Variants in ADAMTS8 observed in about 807,000 individuals in gnomAD.
The protein encoded by ADAMTS8 is A disintegrin and metalloproteinase with thrombospondin motifs 8.
ADAMTS8 carries 50 observed loss-of-function variants against 64.4 expected under a neutral mutation model. That is an observed-to-expected ratio of 0.78 (90% CI 0.62 to 0.98). The LOEUF (loss-of-function observed/expected upper bound fraction) is 0.98, where lower values mean the gene tolerates loss of function less well. Ranked by LOEUF, ADAMTS8 falls within the 50% of genes least tolerant of loss-of-function variation. ADAMTS8 has a pLI of 0.00. For missense variants in ADAMTS8, 1,192 were observed against 1,208.2 expected (o/e 0.99, Z 0.20); for synonymous variants, 556 against 533.6 (o/e 1.04, Z -0.58).
chr11:130,416,377 GC>G lies in ADAMTS8; in HGVS notation c.1097-48del. On this transcript the variant is annotated intron_variant, in intron 3 of 8. Transcript: ENST00000257359. The surrounding 1 kb of genome is among the most constrained non-coding windows in gnomAD (Gnocchi z 4.8). ...ACTCCGCCCTGTCCTGCCTGAGGGCGCCCCACCTGGCCCAGCTAGGGACAGA... is the reference window on the plus strand; with the variant it reads ...ACTCCGCCCTGTCCTGCCTGAGGGCGCCCACCTGGCCCAGCTAGGGACAGA... The G allele has an allele frequency of 2.0e-6, 3 of 1,492,780 alleles. No homozygotes were observed. Among genetic ancestry groups the G allele is most frequent in the Non-Finnish European group, 2.7e-6 (3 of 1,116,160 alleles). The allele number at this position is 1,492,780 out of a possible 1,614,324, so 92.5% of individuals were successfully genotyped here.
rs1861860900 is a variant in ADAMTS8 at position 130,405,224 on chromosome 11, T to C, written c.*334A>G. 1 of 1,079,124 alleles carries C rather than the reference T, an allele frequency of 9.3e-7. No individual in the cohort carries two copies. The highest frequency in any genetic ancestry group is 1.1e-6 in the Non-Finnish European group (1 of 891,118). 66.8% of individuals were successfully genotyped at this position (1,079,124 alleles called of 1,614,324 possible). On this transcript the variant is annotated 3_prime_UTR_variant, in exon 9 of 9. Coordinates refer to ENST00000257359, the MANE Select transcript of ADAMTS8 (RefSeq NM_007037.6). ...GGGAAACCAGATAGAATTTTTTTTT[T>C]CATTTAAGTTTGCTAGTCCTTTGCA...
chr11:130,410,398 C>T (rs1565374233), intron 6 of ADAMTS8, among the ~76,000 whole-genome samples: 1 of 152,212 alleles, frequency 6.6e-6, no homozygotes, highest in African/African-American at 2.4e-5. Flanking sequence ...ATCATGGCAT[C>T]ACTTTTCGTC....
intron 1 of ADAMTS8, among the ~76,000 whole-genome samples, chr11:130,422,504 G>A (rs540993613): frequency 3.3e-5 from 5 of 152,286 alleles, no homozygotes; most frequent in Non-Finnish European, 4.4e-5. Context: ...GCGCGCCTGG[G>A]GGGAGGTCAG....
At chr11:130,415,088 C>T (rs1004071293) in intron 4 of ADAMTS8, among the ~76,000 whole-genome samples, 2 of 152,214 alleles carry the variant, frequency 1.3e-5, no homozygotes, top group Non-Finnish European at 2.9e-5. Flanking sequence ...TCTGTGTACC[C>T]AGTGAATGCC....
At chr11:130,420,911 C>T (rs762809612) in intron 1 of ADAMTS8, among the ~76,000 whole-genome samples, 1 of 152,102 alleles carries the variant, frequency 6.6e-6, no homozygotes, top group Non-Finnish European at 1.5e-5. Context: ...AACTCCTGGC[C>T]GGGTCTTTGC....
chr11:130,424,033 C>T (rs558501050), intron 1 of ADAMTS8, among the ~76,000 whole-genome samples: 9 of 152,328 alleles, frequency 5.9e-5, no homozygotes, highest in East Asian at 5.8e-4. Flanking sequence ...GGCAGTGGTG[C>T]GTTCTTTCTC....
intron 5 of ADAMTS8, among the ~76,000 whole-genome samples, chr11:130,412,638 G>T (rs1861967355): frequency 6.6e-6 from 1 of 152,062 alleles, no homozygotes; most frequent in Admixed American, 6.6e-5. Flanking sequence ...AGTAATAGTT[G>T]CTCATACGAC....
chr11:130,427,697 C>T lies in ADAMTS8; in HGVS notation c.590G>A (p.Gly197Asp), dbSNP rs1303736446. 1.3e-6 allele frequency: 2 copies of T among 1,594,992 alleles called. No individual in the cohort carries two copies. Among genetic ancestry groups the T allele is most frequent in the Non-Finnish European group, 1.7e-6 (2 of 1,172,206 alleles). Reference protein sequence around the residue: ...EEESQEEEAEGASEPPPPLGA... With the variant: ...EEESQEEEAEDASEPPPPLGA... ...CAGGGGCGGTGGCGGCTCGCTAGCG[C>T]CTTCTGCCTCCTCTTCTTGGCTCTC... Residue 197 changes from glycine to aspartate, a missense_variant, in exon 1 of 9, where the codon GGC (glycine) becomes GAC (aspartate). This residue lies in a region of ADAMTS8 where 741 missense variants were observed against 710.6 expected (regional missense o/e 1.04). Transcript: ENST00000257359.
chr11:130,405,672 C>T lies in ADAMTS8; in HGVS notation c.2556G>A (p.Trp852Ter). Residue 852 changes from tryptophan to a stop codon, truncating the protein, a stop_gained, in exon 9 of 9, where the codon TGG (tryptophan) becomes TGA (stop). Transcript: ENST00000257359. LOFTEE classifies it low-confidence loss of function (END_TRUNC). ...SECSSTCGAG[W>*]QRRTVECRDP... ...CCCTGCACTCTACAGTTCGCCTCTG[C>T]CAGCCGGCCCCGCAGGTGCTAGAGC... The T allele has an allele frequency of 6.2e-7, 1 of 1,614,038 alleles. No homozygotes were observed.
At chr11:130,406,168 G>C (rs998867737) in intron 8 of ADAMTS8, 40 bp from the exon 9 acceptor site, 4 of 1,570,562 alleles carry the variant, frequency 2.5e-6, no homozygotes, top group Non-Finnish European at 2.6e-6. Context: ...ACCAGTGGCT[G>C]CCCAGCCCAG....
At chr11:130,408,715 GA>G (rs1319354567) in intron 7 of ADAMTS8, 52 bp downstream of exon 7, 1 of 1,612,018 alleles carries the variant, frequency 6.2e-7, no homozygotes, top group African/African-American at 1.3e-5. Context: ...GGGGTGTGGG[GA>G]CAGGCGACCT....
At chr11:130,420,355 C>T (rs1389785393) in intron 1 of ADAMTS8, among the ~76,000 whole-genome samples, 1 of 152,184 alleles carries the variant, frequency 6.6e-6, no homozygotes, top group Non-Finnish European at 1.5e-5. Context: ...GGAGAGAAGG[C>T]CAGATGGGAA....
chr11:130,428,106 C>G lies in ADAMTS8; in HGVS notation c.181G>C (p.Gly61Arg). 3 of 1,531,788 alleles carry G rather than the reference C, an allele frequency of 2.0e-6. No individual in the cohort carries two copies. Among genetic ancestry groups the G allele is most frequent in the Non-Finnish European group, 1.7e-6 (2 of 1,148,790 alleles). 94.9% of individuals were successfully genotyped at this position (1,531,788 alleles called of 1,614,324 possible). Residue 61 changes from glycine to arginine, a missense_variant, in exon 1 of 9, where the codon GGC (glycine) becomes CGC (arginine). Gly to Arg is a moderately radical substitution (Grantham distance 125). Transcript: ENST00000257359. ...GCCAGGCGCAGCACGAAGCCCTTGC[C>G]GAAGGCGGACAGGTGGAGCGCGAGC... is the stretch of plus-strand genomic sequence containing the variant. The part of the protein sequence containing the change: ...GELALHLSAF[G>R]KGFVLRLAPD...
intron 1 of ADAMTS8, among the ~76,000 whole-genome samples, chr11:130,424,273 A>T (rs1458542563): frequency 6.6e-6 from 1 of 152,184 alleles, no homozygotes; most frequent in East Asian, 1.9e-4. Context: ...ACTGATCCTG[A>T]TCGGTGCTGT....
At position 130,411,681 on chromosome 11, in the gene ADAMTS8, T is replaced by C. The variant is rs1861955233; in HGVS notation, c.1567-81A>G. On this transcript the variant is annotated intron_variant, in intron 5 of 8. Coordinates refer to ENST00000257359, the MANE Select transcript of ADAMTS8 (RefSeq NM_007037.6). This position sits in a 1 kb window ranked among gnomAD's most constrained non-coding sequence, Gnocchi z 4.2. ...CTGTGTCACTGGGTGGCCAATGCCC[T>C]GGCTTCCTCATCTAGTCATTATCAT... is the stretch of plus-strand genomic sequence containing the variant. 5 of 1,431,334 alleles carry C rather than the reference T, an allele frequency of 3.5e-6. No individual in the cohort carries two copies. In the South Asian group the frequency reaches 6.3e-5, roughly 18 times the overall value. 88.7% of individuals were successfully genotyped at this position (1,431,334 alleles called of 1,614,324 possible).
Position 130,416,765 on chromosome 11 carries a change from G to A in ADAMTS8, c.1096+175C>T, listed in dbSNP as rs1341841466. Among the ~76,000 whole-genome samples, 2 of 152,196 alleles carry A rather than the reference G, an allele frequency of 1.3e-5. No homozygotes were observed. The highest frequency in any genetic ancestry group is 4.8e-5 in the African/African-American group (2 of 41,464). ...GCCATGTGCTCGGGGTGGGAGCGGA[G>A]TTGTGTTCAGCACTGTCAAGCGCGG... On this transcript the variant is annotated intron_variant, in intron 3 of 8. Transcript: ENST00000257359. This position sits in a 1 kb window ranked among gnomAD's most constrained non-coding sequence, Gnocchi z 4.8.
chr11:130,407,513 G>C (rs1282691604), intron 8 of ADAMTS8, among the ~76,000 whole-genome samples: 1 of 152,142 alleles, frequency 6.6e-6, no homozygotes. Flanking sequence ...AATGGGGCAG[G>C]GTTTGCGAGC....
intron 1 of ADAMTS8, among the ~76,000 whole-genome samples, chr11:130,423,183 C>G (rs559444846): frequency 6.6e-6 from 1 of 152,220 alleles, no homozygotes; most frequent in African/African-American, 2.4e-5. Flanking sequence ...GCAGCAAGTC[C>G]GCCTGTCATT....
At chr11:130,418,007 C>CAAAAAAGAAAA (rs1862049488) in intron 2 of ADAMTS8, among the ~76,000 whole-genome samples, 1 of 93,938 alleles carries the variant, frequency 1.1e-5, no homozygotes, top group African/African-American at 4.3e-5. Context: ...CTACAAAAAG[C>CAAAAAAGAAAA]AAAAAAAAAA....
Sources: allele counts gnomAD v4.1 joint callset (sites outside exome capture counted in the v4.1 genomes callset), GRCh38; gene constraint gnomAD v4.1.1; regional missense constraint gnomAD v4.1.1; non-coding constraint Gnocchi (gnomAD v3.1); transcripts MANE v1.5; gene names NCBI Gene and HGNC (gene_info 2026-07-23, HGNC 2026-07-21).